The following PPME1 variants were observed in gnomAD, a reference collection of about 807,000 sequenced individuals.
PPME1 encodes the protein protein phosphatase methylesterase 1.
PPME1 carries 17 observed loss-of-function variants against 56.9 expected under a neutral mutation model. The ratio of observed to expected loss-of-function variants is 0.30; its 90% CI spans 0.20 to 0.45. PPME1 has a LOEUF of 0.45. PPME1 is among the 20% of genes least tolerant of loss of function. The pLI, the probability that PPME1 is intolerant of heterozygous loss-of-function variation, is 1.00. For missense variants in PPME1, 357 were observed against 483.2 expected (o/e 0.74, Z 2.45); for synonymous variants, 122 against 156.2 (o/e 0.78, Z 1.63).
At chr11:74,179,335 A>G (rs1857474532) in intron 1 of PPME1, among the ~76,000 whole-genome samples, 1 of 152,190 alleles carries the variant, frequency 6.6e-6, no homozygotes, top group Non-Finnish European at 1.5e-5. Context: ...CTGTACTAAA[A>G]CAAAACAAAA....
At chr11:74,195,769 C>G (rs911731424) in intron 1 of PPME1, among the ~76,000 whole-genome samples, 2 of 152,184 alleles carry the variant, frequency 1.3e-5, no homozygotes, top group Non-Finnish European at 2.9e-5. Context: ...TGATACTTCA[C>G]TGTAATTTAA....
intron 9 of PPME1, among the ~76,000 whole-genome samples, chr11:74,243,783 C>CT (rs555052806): frequency 0.032 from 4,423 of 139,944 alleles, 165 homozygotes; most frequent in African/African-American, 0.097. Context: ...TTCTTTCTTT[C>CT]TTTTTTTTTT....
intron 10 of PPME1, 37 bp from the exon 11 acceptor site, chr11:74,247,042 C>G: frequency 6.4e-7 from 1 of 1,565,998 alleles, no homozygotes; most frequent in East Asian, 2.2e-5. Context: ...ACGTGAACAG[C>G]AAAATCTGTT....
intron 9 of PPME1, among the ~76,000 whole-genome samples, chr11:74,239,677 C>T (rs900986250): frequency 2.6e-5 from 4 of 151,346 alleles, no homozygotes; most frequent in African/African-American, 7.3e-5. Flanking sequence ...CCCGGGTTCA[C>T]GCCATTCTCC....
chr11:74,199,687 A>G (rs957338515), intron 1 of PPME1, among the ~76,000 whole-genome samples: 12 of 152,206 alleles, frequency 7.9e-5, no homozygotes, highest in African/African-American at 2.9e-4. Flanking sequence ...GTTTTACGCT[A>G]CTGATAAAGA....
chr11:74,243,077 G>A (rs911697792), intron 9 of PPME1, among the ~76,000 whole-genome samples: 1 of 152,084 alleles, frequency 6.6e-6, no homozygotes, highest in Non-Finnish European at 1.5e-5. Flanking sequence ...CCCTTGTGTG[G>A]AGAACTGCAT....
At chr11:74,204,507 G>A in intron 3 of PPME1, 62 bp downstream of exon 3, 1 of 1,386,582 alleles carries the variant, frequency 7.2e-7, no homozygotes, top group Non-Finnish European at 1.0e-6. Context: ...AAAGTATAGG[G>A]ACAAATCTTG....
At chr11:74,181,169 C>A (rs546505680) in intron 1 of PPME1, among the ~76,000 whole-genome samples, 1 of 151,626 alleles carries the variant, frequency 6.6e-6, no homozygotes, top group Admixed American at 6.6e-5. Context: ...CTCAGCCTCC[C>A]GAGTAGCTGG....
intron 3 of PPME1, among the ~76,000 whole-genome samples, chr11:74,221,723 A>C (rs1189501814): frequency 6.6e-6 from 1 of 152,092 alleles, no homozygotes; most frequent in Non-Finnish European, 1.5e-5. Flanking sequence ...ATCCCCAATT[A>C]TTTCAGATTT....
Position 74,251,680 on chromosome 11 carries a change from G to A in PPME1, c.1107G>A (p.Arg369=). 1.2e-6 allele frequency: 2 copies of A among 1,613,830 alleles called. No individual in the cohort carries two copies. The highest frequency in any genetic ancestry group is 1.7e-4 in the Middle Eastern group (1 of 6,022). ...AAGCTGTTGCCACTTTCCTGATCCG[G>A]CACAGGTTTGCAGAACCCATCGGTG... is the stretch of plus-strand genomic sequence containing the variant. ...VAEAVATFLI[R]HRFAEPIGGF... is the part of the protein sequence containing the mutation. Residue 369 remains arginine (R), a synonymous_variant, in exon 13 of 14, where the codon CGG becomes CGA. Coordinates refer to ENST00000328257, the MANE Select transcript of PPME1 (RefSeq NM_016147.3).
At chr11:74,224,945 C>G (rs889349842) in intron 4 of PPME1, among the ~76,000 whole-genome samples, 2 of 151,860 alleles carry the variant, frequency 1.3e-5, no homozygotes, top group African/African-American at 2.4e-5. Flanking sequence ...TTTCCTTCTC[C>G]TGCCTAATTG....
At position 74,230,420 on chromosome 11, in the gene PPME1, C is replaced by T; in HGVS notation, c.553+21C>T. The T allele has an allele frequency of 6.2e-7, 1 of 1,611,482 alleles. No individual in the cohort carries two copies. The highest frequency in any genetic ancestry group is 8.5e-7 in the Non-Finnish European group (1 of 1,178,584). On this transcript the variant is annotated intron_variant, in intron 6 of 13. Coordinates refer to ENST00000328257, the MANE Select transcript of PPME1 (RefSeq NM_016147.3). The surrounding 1 kb of genome is among the most constrained non-coding windows in gnomAD (Gnocchi z 4.9). ...AGAAGGTGAGTTTTCTTAGCACTGA[C>T]CAAATCAGGATTTCACTTATAAGAG...
chr11:74,194,050 T>A (rs1216631439), intron 1 of PPME1, among the ~76,000 whole-genome samples: 1 of 152,164 alleles, frequency 6.6e-6, no homozygotes, highest in African/African-American at 2.4e-5. Context: ...ACCAGTTGGA[T>A]CCACTTTACA....
At chr11:74,178,920 T>C (rs1857463657) in intron 1 of PPME1, among the ~76,000 whole-genome samples, 2 of 152,208 alleles carry the variant, frequency 1.3e-5, no homozygotes, top group African/African-American at 2.4e-5. Context: ...TAGTTTTTTT[T>C]TTTTTAAGAG....
chr11:74,232,253 G>A (rs1859086044), intron 7 of PPME1, among the ~76,000 whole-genome samples: 1 of 152,196 alleles, frequency 6.6e-6, no homozygotes, highest in Non-Finnish European at 1.5e-5. Context: ...TGCCCTTCCT[G>A]CATCATAAGG....
At chr11:74,177,498 G>A (rs966639256) in intron 1 of PPME1, among the ~76,000 whole-genome samples, 1 of 150,638 alleles carries the variant, frequency 6.6e-6, no homozygotes, top group African/African-American at 2.4e-5. Context: ...TGACACCTTT[G>A]TCATATGCCA....
Position 74,251,760 on chromosome 11 carries a change from A to G in PPME1, c.1142+45A>G, listed in dbSNP as rs751692293. ...TTAAGAACCCAGCAGTGCTGGCCGAATCTGACAAGCAGACACTTGTAGGAC... is the reference window on the plus strand; with the variant it reads ...TTAAGAACCCAGCAGTGCTGGCCGAGTCTGACAAGCAGACACTTGTAGGAC... On this transcript the variant is annotated intron_variant, in intron 13 of 13. Coordinates refer to ENST00000328257, the MANE Select transcript of PPME1 (RefSeq NM_016147.3). 15 of 1,605,244 alleles carry G rather than the reference A, an allele frequency of 9.3e-6. 1 individual carries two copies. Among genetic ancestry groups the G allele is most frequent in the South Asian group, 6.6e-5 (6 of 90,884 alleles).
In PPME1 at chr11:74,230,560, A is replaced by G. The variant is rs889431734; in HGVS notation, c.553+161A>G. Among the ~76,000 whole-genome samples, 3 of 152,196 alleles carry G rather than the reference A, an allele frequency of 2.0e-5. No homozygotes were observed. The highest frequency in any genetic ancestry group is 4.4e-5 in the Non-Finnish European group (3 of 68,034). ...GTTTATACAAGATAACCATTTTTCC[A>G]TGTCATCAAAAACTCTTCATTAACA... is the stretch of plus-strand genomic sequence containing the variant. On this transcript the variant is annotated intron_variant, in intron 6 of 13. Transcript: ENST00000328257. The surrounding 1 kb of genome is among the most constrained non-coding windows in gnomAD (Gnocchi z 4.9).
chr11:74,192,360 A>G (rs911131110), intron 1 of PPME1, among the ~76,000 whole-genome samples: 2 of 152,160 alleles, frequency 1.3e-5, no homozygotes, highest in South Asian at 2.1e-4. Flanking sequence ...TTTTGGTTTT[A>G]CAGGCTCATA....
Sources: gnomAD v4.1 joint callset for allele counts (sites outside exome capture counted in the v4.1 genomes callset) on GRCh38, gnomAD v4.1.1 for gene constraint, Gnocchi (gnomAD v3.1) non-coding constraint, MANE v1.5 for transcripts, NCBI Gene and HGNC (gene_info 2026-07-23, HGNC 2026-07-21) for gene names.